Variants in MAGI2 observed in about 807,000 individuals in gnomAD.
The protein encoded by MAGI2 is membrane-associated guanylate kinase, WW and PDZ domain-containing protein 2.
A neutral mutation model predicts 133.3 loss-of-function variants in MAGI2; 35 were observed. That is an observed-to-expected ratio of 0.26 (90% CI 0.20 to 0.35). MAGI2 has a LOEUF of 0.35. MAGI2 is among the 10% of genes least tolerant of loss of function. The probability of loss-of-function intolerance (pLI) is 1.00; values close to 1 mark genes in which losing one functional copy is unlikely to be tolerated. For synonymous variants in MAGI2, 729 were observed against 710.6 expected, an observed-to-expected ratio of 1.03 and a Z score of -0.41; for missense variants, 1,636 against 1,863.4, an observed-to-expected ratio of 0.88 and a Z score of 2.25.
chr7:78,659,954 T>C (rs12538931), intron 2 of MAGI2, among the ~76,000 whole-genome samples: 58,777 of 151,906 alleles, frequency 0.39, 11,552 homozygotes, highest in Non-Finnish European at 0.41. Flanking sequence ...TAAAAAACGA[T>C]GAGTTCGTGT....
chr7:78,158,799 T>C (rs182377383), intron 16 of MAGI2, among the ~76,000 whole-genome samples: 2 of 152,272 alleles, frequency 1.3e-5, no homozygotes, highest in African/African-American at 4.8e-5. Context: ...AATTACAGTT[T>C]AGGGGTCATG....
chr7:78,169,151 G>C (rs762528360), intron 14 of MAGI2, among the ~76,000 whole-genome samples: 1 of 152,186 alleles, frequency 6.6e-6, no homozygotes, highest in Non-Finnish European at 1.5e-5. Flanking sequence ...CCCATTAGAG[G>C]CACTCAGTTT....
At chr7:78,923,037 G>T (rs1315687055) in intron 2 of MAGI2, among the ~76,000 whole-genome samples, 5 of 152,104 alleles carry the variant, frequency 3.3e-5, no homozygotes, top group Admixed American at 6.6e-5. Flanking sequence ...TTTTAATGGG[G>T]TTGTTTGTTT....
intron 21 of MAGI2, among the ~76,000 whole-genome samples, chr7:78,058,222 G>A (rs1812847689): frequency 1.3e-5 from 2 of 151,714 alleles, no homozygotes; most frequent in African/African-American, 4.9e-5. Context: ...TTAAAGTTGG[G>A]GTTATGAGGG....
intron 3 of MAGI2, among the ~76,000 whole-genome samples, chr7:78,571,654 C>A (rs1030700233): frequency 6.6e-6 from 1 of 151,772 alleles, no homozygotes; most frequent in African/African-American, 2.4e-5. Flanking sequence ...ATTAAATTAT[C>A]TTGAAATGTT....
intron 16 of MAGI2, among the ~76,000 whole-genome samples, chr7:78,137,924 G>C (rs1323218627): frequency 2.5e-5 from 1 of 40,590 alleles, no homozygotes; most frequent in Non-Finnish European, 6.2e-5. Flanking sequence ...ACTGTGCTAA[G>C]TGATAATATA....
At chr7:78,514,760 A>G (rs1173436405) in intron 4 of MAGI2, among the ~76,000 whole-genome samples, 3 of 152,238 alleles carry the variant, frequency 2.0e-5, no homozygotes, top group Admixed American at 6.5e-5. Context: ...CTGATGGTGC[A>G]TGCACAGTCA....
intron 2 of MAGI2, among the ~76,000 whole-genome samples, chr7:78,850,496 C>G (rs889830294): frequency 1.3e-5 from 2 of 152,124 alleles, no homozygotes; most frequent in African/African-American, 2.4e-5. Context: ...TGACAGCTGG[C>G]TAACTCTGTT....
intron 9 of MAGI2, among the ~76,000 whole-genome samples, chr7:78,285,519 C>A (rs1220988394): frequency 1.3e-5 from 2 of 152,066 alleles, no homozygotes; most frequent in Non-Finnish European, 1.5e-5. Context: ...TATCTGATAA[C>A]CCTCACAGGA....
chr7:78,595,706 C>T (rs1264553561), intron 3 of MAGI2, among the ~76,000 whole-genome samples: 3 of 152,092 alleles, frequency 2.0e-5, no homozygotes, highest in Non-Finnish European at 4.4e-5. Flanking sequence ...ATAAGAAATG[C>T]AAATAGAAGG....
At chr7:78,268,973 C>G (rs1323964754) in intron 9 of MAGI2, among the ~76,000 whole-genome samples, 1 of 152,116 alleles carries the variant, frequency 6.6e-6, no homozygotes, top group Non-Finnish European at 1.5e-5. Context: ...GTGTGATGTT[C>G]CCCTCCCTAT....
chr7:78,101,287 C>A (rs563689257), intron 20 of MAGI2, among the ~76,000 whole-genome samples: 45 of 152,252 alleles, frequency 3.0e-4, no homozygotes, highest in African/African-American at 9.6e-4. Flanking sequence ...ATAACACTTC[C>A]TGATTTCAAA....
chr7:78,178,759 T>C (rs1485605280), intron 13 of MAGI2, among the ~76,000 whole-genome samples: 1 of 152,192 alleles, frequency 6.6e-6, no homozygotes, highest in Non-Finnish European at 1.5e-5. Context: ...CAGGTAGAAA[T>C]TCATCTGGGT....
At chr7:78,683,082 G>A (rs540366922) in intron 2 of MAGI2, among the ~76,000 whole-genome samples, 2 of 152,140 alleles carry the variant, frequency 1.3e-5, no homozygotes, top group African/African-American at 4.8e-5. Flanking sequence ...TGACAAATTC[G>A]GCTAGACAAG....
At chr7:79,186,801 A>C (rs1419355602) in intron 1 of MAGI2, among the ~76,000 whole-genome samples, 1 of 147,516 alleles carries the variant, frequency 6.8e-6, no homozygotes, top group African/African-American at 2.5e-5. Flanking sequence ...GTATATATAT[A>C]TATAAACATA....
chr7:78,417,487 CT>C (rs1798408592), intron 6 of MAGI2, among the ~76,000 whole-genome samples: 1 of 152,056 alleles, frequency 6.6e-6, no homozygotes, highest in Non-Finnish European at 1.5e-5. Flanking sequence ...CATCTACAAT[CT>C]TTTACTTAGT....
intron 1 of MAGI2, among the ~76,000 whole-genome samples, chr7:79,076,180 C>A (rs1815446364): frequency 6.6e-6 from 1 of 152,150 alleles, no homozygotes; most frequent in South Asian, 2.1e-4. Context: ...GACATAAAAG[C>A]CATCTCAAAT....
At chr7:78,130,077 G>C (rs973127475) in intron 18 of MAGI2, among the ~76,000 whole-genome samples, 2 of 151,954 alleles carry the variant, frequency 1.3e-5, no homozygotes, top group Admixed American at 6.6e-5. Flanking sequence ...CCTTGCTAGA[G>C]AAGGTGAACT....
At chr7:78,476,060 G>A (rs1178041966) in intron 6 of MAGI2, among the ~76,000 whole-genome samples, 2 of 151,852 alleles carry the variant, frequency 1.3e-5, no homozygotes, top group African/African-American at 2.4e-5. Flanking sequence ...GGGTTCAGAA[G>A]TTGTATTCAT....
Sources: allele counts gnomAD v4.1 joint callset (sites outside exome capture counted in the v4.1 genomes callset), GRCh38; gene constraint gnomAD v4.1.1; transcripts MANE v1.5; gene names NCBI Gene and HGNC (gene_info 2026-07-23, HGNC 2026-07-21).